Variants in FAM107B observed in about 807,000 individuals in gnomAD.
FAM107B encodes the protein family with sequence similarity 107 member B.
FAM107B carries 21 observed loss-of-function variants against 31.5 expected under a neutral mutation model. The ratio of observed to expected loss-of-function variants is 0.67; its 90% CI spans 0.47 to 0.96. The LOEUF is 0.96. Among genes scored for constraint, FAM107B ranks in the 40% least tolerant of loss-of-function variants. The pLI, the probability that FAM107B is intolerant of heterozygous loss-of-function variation, is 0.00. For synonymous variants in FAM107B, 157 were observed against 141.5 expected (o/e 1.11, Z -0.78); for missense variants, 452 against 377.1 (o/e 1.20, Z -1.64).
At chr10:14,603,678 G>A (rs972798140) in intron 2 of FAM107B, among the ~76,000 whole-genome samples, 2 of 152,206 alleles carry the variant, frequency 1.3e-5, no homozygotes, top group African/African-American at 4.8e-5. Context: ...CACCCCATAT[G>A]CTGGGTTCAC....
At chr10:14,558,725 T>A (rs770407644) in intron 2 of FAM107B, among the ~76,000 whole-genome samples, 11 of 152,046 alleles carry the variant, frequency 7.2e-5, no homozygotes, top group Non-Finnish European at 1.2e-4. Context: ...CCTTGCTAAG[T>A]GTGTGGAGCT....
chr10:14,537,363 T>C (rs1177090828), intron 2 of FAM107B, among the ~76,000 whole-genome samples: 3 of 152,184 alleles, frequency 2.0e-5, no homozygotes, highest in South Asian at 4.1e-4. Flanking sequence ...GGTCATGACT[T>C]CCCAGTCTCC....
intron 2 of FAM107B, among the ~76,000 whole-genome samples, chr10:14,595,073 G>T (rs753803273): frequency 6.7e-5 from 10 of 148,870 alleles, no homozygotes; most frequent in African/African-American, 2.0e-4. Context: ...ACAGACAAGA[G>T]AAAAGATCAC....
At chr10:14,741,906 ACTAAACC>A in intron 1 of FAM107B, among the ~76,000 whole-genome samples, 1 of 151,228 alleles carries the variant, frequency 6.6e-6, no homozygotes, top group South Asian at 2.1e-4. Context: ...CGGGGTTTCT[ACTAAACC>A]CCATGTTAGC....
At chr10:14,662,843 C>A (rs2131466819) in intron 2 of FAM107B, among the ~76,000 whole-genome samples, 1 of 152,250 alleles carries the variant, frequency 6.6e-6, no homozygotes, top group South Asian at 2.1e-4. Context: ...TTGAAGGATG[C>A]AAAGTATTGT....
chr10:14,638,950 G>A (rs1247641382), intron 2 of FAM107B, among the ~76,000 whole-genome samples: 3 of 152,052 alleles, frequency 2.0e-5, no homozygotes, highest in African/African-American at 7.2e-5. Context: ...CAACACTTTG[G>A]GAGGCTGAGG....
intron 2 of FAM107B, among the ~76,000 whole-genome samples, chr10:14,584,168 C>T (rs1438989293): frequency 6.6e-6 from 1 of 152,218 alleles, no homozygotes; most frequent in African/African-American, 2.4e-5. Flanking sequence ...AGCAGCAACA[C>T]TCTGGGTCTG....
chr10:14,569,115 T>C (rs1850963951), intron 2 of FAM107B, among the ~76,000 whole-genome samples: 1 of 152,224 alleles, frequency 6.6e-6, no homozygotes, highest in Admixed American at 6.5e-5. Context: ...CTCAAAGGTC[T>C]GTTTCACAAA....
At chr10:14,584,291 G>A (rs1851752304) in intron 2 of FAM107B, among the ~76,000 whole-genome samples, 1 of 152,182 alleles carries the variant, frequency 6.6e-6, no homozygotes, top group South Asian at 2.1e-4. Flanking sequence ...AAGGGTCCCT[G>A]TCCTCAGAGT....
rs1833370773 is a variant in FAM107B at position 14,774,305 on chromosome 10, G to A, written c.359C>T (p.Ala120Val). The change falls in exon 1 of 5, where the codon GCA becomes GTA. Residue 120 changes from alanine (A) to valine (V), a missense_variant. Physicochemically the swap from Ala to Val is moderately conservative, Grantham distance 64. Transcript: ENST00000181796. ...GGGGATGGAAGCGTGAAACACCACTGCTTCACAGTCCGCCCCATCATCCAG... is the reference window on the plus strand; with the variant it reads ...GGGGATGGAAGCGTGAAACACCACTACTTCACAGTCCGCCCCATCATCCAG... ...GSLDDGADCE[A>V]VVFHASIPRP... The A allele has an allele frequency of 1.2e-6, 2 of 1,614,150 alleles. No homozygotes were observed. Among genetic ancestry groups the A allele is most frequent in the Non-Finnish European group, 1.7e-6 (2 of 1,179,994 alleles).
intron 2 of FAM107B, among the ~76,000 whole-genome samples, chr10:14,565,812 G>C (rs1373233472): frequency 1.3e-5 from 2 of 152,168 alleles, no homozygotes; most frequent in Admixed American, 6.5e-5. Context: ...AGCGAGAGAA[G>C]GAAACCCAGG....
intron 1 of FAM107B, among the ~76,000 whole-genome samples, chr10:14,674,126 A>G (rs1254131214): frequency 6.6e-6 from 1 of 152,240 alleles, no homozygotes; most frequent in Non-Finnish European, 1.5e-5. Flanking sequence ...CTTAAACGTA[A>G]GACCCGAAGC....
Position 14,560,509 on chromosome 10 carries a change from G to A in FAM107B, c.470-29994C>T, listed in dbSNP as rs910823420. The stretch of plus-strand genomic sequence containing the variant: ...ATGGCCTGCAGGTGGCAGAAACAAT[G>A]GAGGAACCAGCCTGAGTCAAGGAGG... On this transcript the variant is annotated intron_variant, in intron 2 of 4. Transcript: ENST00000181796. Among the ~76,000 whole-genome samples the A allele has an allele frequency of 2.0e-5, 3 of 152,174 alleles. No homozygotes were observed. The East Asian group carries it at 5.8e-4, about 29-fold the overall frequency.
At chr10:14,602,686 T>TA (rs1354270096) in intron 2 of FAM107B, 5 of 152,212 alleles carry the variant, frequency 3.3e-5, no homozygotes, top group Non-Finnish European at 5.9e-5. Context: ...TTTTAAAGCT[T>TA]AAAGATTTCA....
intron 2 of FAM107B, among the ~76,000 whole-genome samples, chr10:14,611,074 A>G (rs1852712631): frequency 6.6e-6 from 1 of 152,208 alleles, no homozygotes; most frequent in African/African-American, 2.4e-5. Context: ...CTACTGAATG[A>G]TGCAAAGATC....
chr10:14,727,564 G>A (rs1309207693), intron 1 of FAM107B, among the ~76,000 whole-genome samples: 1 of 152,178 alleles, frequency 6.6e-6, no homozygotes, highest in Non-Finnish European at 1.5e-5. Flanking sequence ...ATGACTCTTG[G>A]GAATTGGTGT....
At chr10:14,633,816 G>T (rs1319416726) in intron 2 of FAM107B, among the ~76,000 whole-genome samples, 1 of 152,186 alleles carries the variant, frequency 6.6e-6, no homozygotes, top group East Asian at 1.9e-4. Flanking sequence ...CTGGTTTACA[G>T]AATTAATCTC....
chr10:14,671,284 C>T (rs1854534304), intron 1 of FAM107B, among the ~76,000 whole-genome samples: 1 of 152,018 alleles, frequency 6.6e-6, no homozygotes. Context: ...CCCATGGCCA[C>T]GAAAATTAAG....
At chr10:14,575,351 G>A (rs942882158) in intron 2 of FAM107B, among the ~76,000 whole-genome samples, 2 of 152,004 alleles carry the variant, frequency 1.3e-5, no homozygotes, top group Admixed American at 6.6e-5. Context: ...TTACAAGAGC[G>A]TGCCACCACA....
Sources: gnomAD v4.1 joint callset for allele counts (sites outside exome capture counted in the v4.1 genomes callset) on GRCh38, gnomAD v4.1.1 for gene constraint, MANE v1.5 for transcripts, NCBI Gene and HGNC (gene_info 2026-07-23, HGNC 2026-07-21) for gene names.